The following DGKI variants were observed in gnomAD, a reference collection of about 807,000 sequenced individuals.
DGKI encodes DAG kinase iota.
A neutral mutation model predicts 147.5 loss-of-function variants in DGKI; 55 were observed. The ratio of observed to expected loss-of-function variants is 0.37; its 90% CI spans 0.30 to 0.47. The LOEUF is 0.47. DGKI is among the 20% of genes least tolerant of loss of function. The probability of loss-of-function intolerance (pLI) is 1.00; values close to 1 mark genes in which losing one functional copy is unlikely to be tolerated. For missense variants in DGKI, 1,007 were observed against 1,323.8 expected (o/e 0.76, Z 3.71); for synonymous variants, 469 against 477.1 (o/e 0.98, Z 0.22).
chr7:137,519,819 T>C (rs1169437844), intron 21 of DGKI, among the ~76,000 whole-genome samples: 2 of 152,062 alleles, frequency 1.3e-5, no homozygotes, highest in Non-Finnish European at 2.9e-5. Context: ...ATATTAAAAG[T>C]AGAATGATTG....
chr7:137,692,846 A>G (rs1329095725), intron 1 of DGKI, among the ~76,000 whole-genome samples: 1 of 152,184 alleles, frequency 6.6e-6, no homozygotes, highest in Admixed American at 6.5e-5. Flanking sequence ...GTCTACACAC[A>G]TAAACATTAA....
chr7:137,571,024 A>AT (rs1209754036), intron 19 of DGKI, 151 bp downstream of exon 19: 11 of 577,634 alleles, frequency 1.9e-5, no homozygotes, highest in South Asian at 5.6e-5. Context: ...ATAAATGATG[A>AT]TTTTTTTTCT....
chr7:137,609,490 G>C (rs771721092), intron 9 of DGKI, 45 bp downstream of exon 9: 3 of 1,479,754 alleles, frequency 2.0e-6, no homozygotes, highest in Non-Finnish European at 1.9e-6. Flanking sequence ...GTAGACTATG[G>C]AAAGAAAGTG....
At chr7:137,716,756 G>T (rs1423547055) in intron 1 of DGKI, among the ~76,000 whole-genome samples, 1 of 152,128 alleles carries the variant, frequency 6.6e-6, no homozygotes, top group Non-Finnish European at 1.5e-5. Flanking sequence ...CAAGATCAAG[G>T]TAGGCACCTC....
chr7:137,425,923 T>C (rs1441098818), intron 28 of DGKI, among the ~76,000 whole-genome samples: 2 of 152,158 alleles, frequency 1.3e-5, no homozygotes, highest in African/African-American at 2.4e-5. Context: ...CTACGTCTGA[T>C]TGGTGTATCT....
intron 23 of DGKI, 71 bp downstream of exon 23, chr7:137,485,303 A>G (rs28434741): frequency 0.11 from 129,277 of 1,158,896 alleles, 8,246 homozygotes; most frequent in African/African-American, 0.24. Flanking sequence ...AAATCAAAAT[A>G]AGACATTAAT....
chr7:137,635,366 CA>C (rs1487492728), intron 6 of DGKI, among the ~76,000 whole-genome samples: 3 of 152,156 alleles, frequency 2.0e-5, no homozygotes, highest in Non-Finnish European at 4.4e-5. Flanking sequence ...TACTTTGAGG[CA>C]AACTGATTAC....
chr7:137,395,983 A>G (rs1562992953), intron 31 of DGKI: 6 of 382,464 alleles, frequency 1.6e-5, no homozygotes, highest in Admixed American at 1.5e-4. Flanking sequence ...GTGATAGTCA[A>G]TGCAGTATTA....
intron 1 of DGKI, among the ~76,000 whole-genome samples, chr7:137,817,794 G>A (rs1466890853): frequency 6.6e-6 from 1 of 152,092 alleles, no homozygotes; most frequent in Non-Finnish European, 1.5e-5. Flanking sequence ...ATGCTAAAAG[G>A]TACCTTCCCA....
At chr7:137,450,049 C>T (rs1350930094) in intron 27 of DGKI, among the ~76,000 whole-genome samples, 2 of 152,142 alleles carry the variant, frequency 1.3e-5, no homozygotes, top group Non-Finnish European at 2.9e-5. Flanking sequence ...ACAAATACTG[C>T]ATGTCTCACT....
rs1035250804 is a variant in DGKI, at chr7:137,625,001, A to T, written c.805-1447T>A. ...ACAGACAACCAGGACTGGTTTCACT[A>T]CTTTTGCTCCAACCTGAACTACCAC... is the stretch of plus-strand genomic sequence containing the variant. On this transcript the variant is annotated intron_variant, in intron 6 of 32. Coordinates refer to ENST00000614521, the MANE Select transcript of DGKI (RefSeq NM_001321708.2). 2.6e-5 allele frequency among the ~76,000 whole-genome samples: 4 copies of T among 152,060 alleles called. No homozygotes were observed. In the East Asian group the frequency reaches 7.7e-4, roughly 29 times the overall value.
chr7:137,638,062 G>A (rs1821375979), intron 6 of DGKI, among the ~76,000 whole-genome samples: 1 of 152,108 alleles, frequency 6.6e-6, no homozygotes, highest in Non-Finnish European at 1.5e-5. Flanking sequence ...GAGACAAACG[G>A]TAAATGAGGA....
At chr7:137,595,752 C>T (rs1219855708) in intron 12 of DGKI, among the ~76,000 whole-genome samples, 1 of 151,880 alleles carries the variant, frequency 6.6e-6, no homozygotes, top group Non-Finnish European at 1.5e-5. Flanking sequence ...ACCTGTAATC[C>T]CAGCACTTTG....
At chr7:137,820,526 T>C (rs1797866104) in intron 1 of DGKI, among the ~76,000 whole-genome samples, 1 of 152,158 alleles carries the variant, frequency 6.6e-6, no homozygotes, top group Non-Finnish European at 1.5e-5. Flanking sequence ...AAGAGGCTCT[T>C]CCATGTAAAA....
intron 20 of DGKI, among the ~76,000 whole-genome samples, chr7:137,551,455 C>A (rs1051932947): frequency 6.6e-6 from 1 of 152,190 alleles, no homozygotes; most frequent in Non-Finnish European, 1.5e-5. Context: ...AAATAGGTAA[C>A]CATGCATTAC....
At chr7:137,752,217 G>T (rs1020947419) in intron 1 of DGKI, among the ~76,000 whole-genome samples, 4 of 151,968 alleles carry the variant, frequency 2.6e-5, no homozygotes, top group African/African-American at 9.7e-5. Flanking sequence ...CAGCACAAAA[G>T]TGTGGGTGGT....
intron 28 of DGKI, among the ~76,000 whole-genome samples, chr7:137,423,461 G>T (rs1812659920): frequency 6.6e-6 from 1 of 152,182 alleles, no homozygotes; most frequent in South Asian, 2.1e-4. Flanking sequence ...GTCTGATGTG[G>T]CCTGAGAGTA....
intron 1 of DGKI, among the ~76,000 whole-genome samples, chr7:137,825,650 G>A (rs569192749): frequency 8.6e-5 from 13 of 150,428 alleles, no homozygotes; most frequent in Admixed American, 2.7e-4. Flanking sequence ...ACATTCACAC[G>A]CACTCACACA....
At chr7:137,456,539 GC>G (rs142455884) in intron 27 of DGKI, among the ~76,000 whole-genome samples, 1,543 of 152,252 alleles carry the variant, frequency 0.01, 29 homozygotes, top group African/African-American at 0.036. Flanking sequence ...AGGGAGAAAT[GC>G]ACAGTTTGGT....
Sources: gnomAD v4.1 joint callset for allele counts (sites outside exome capture counted in the v4.1 genomes callset) on GRCh38, gnomAD v4.1.1 for gene constraint, MANE v1.5 for transcripts, NCBI Gene and HGNC (gene_info 2026-07-23, HGNC 2026-07-21) for gene names.